ABCC5: variants seen among roughly 807,000 people sequenced by gnomAD.
ABCC5 encodes ATP-binding cassette sub-family C member 5.
A neutral mutation model predicts 160.9 loss-of-function variants in ABCC5; 61 were observed. The observed-to-expected ratio is 0.38, with a 90% CI of 0.31 to 0.47. The LOEUF (loss-of-function observed/expected upper bound fraction) is 0.47. ABCC5 is among the 20% of genes least tolerant of loss of function. The pLI, the probability that ABCC5 is intolerant of heterozygous loss-of-function variation, is 0.99. For synonymous variants in ABCC5, 666 were observed against 700.6 expected (o/e 0.95, Z 0.78); for missense variants, 1,308 against 1,813.3 (o/e 0.72, Z 5.06).
intron 10 of ABCC5, among the ~76,000 whole-genome samples, chr3:183,972,534 G>C (rs571580105): frequency 1.3e-5 from 2 of 152,284 alleles, no homozygotes; most frequent in African/African-American, 4.8e-5. Context: ...ACAACCAAAG[G>C]AACAGGCTTG....
chr3:184,000,063 A>G (rs186752898), intron 2 of ABCC5, among the ~76,000 whole-genome samples: 8 of 152,156 alleles, frequency 5.3e-5, no homozygotes, highest in Non-Finnish European at 1.0e-4. Context: ...ATAAAGCTAA[A>G]GAAGTGACCA....
chr3:183,961,604 C>T lies in ABCC5; in HGVS notation c.2286G>A (p.Thr762=), dbSNP rs756374618. Residue 762 remains threonine, a synonymous_variant, in exon 16 of 30, where the codon ACG becomes ACA. Coordinates refer to ENST00000334444, the MANE Select transcript of ABCC5 (RefSeq NM_005688.4). ...EVIFMKEGCI[T]ERGTHEELMN... ...TCAGTTCCTCATGGGTGCCTCTTTC[C>T]GTAATACAGCCCTCTTTCATGAAGA... 9 of 1,614,062 alleles carry T rather than the reference C, an allele frequency of 5.6e-6. No individual in the cohort carries two copies. The highest frequency in any genetic ancestry group is 4.5e-5 in the East Asian group (2 of 44,892).
At chr3:183,967,952 T>C (rs1343240353) in intron 11 of ABCC5, among the ~76,000 whole-genome samples, 186 bp from the exon 12 acceptor site, 1 of 152,162 alleles carries the variant, frequency 6.6e-6, no homozygotes, top group Non-Finnish European at 1.5e-5. Context: ...TGGAGACACC[T>C]GAGATAACAG....
intron 22 of ABCC5, among the ~76,000 whole-genome samples, chr3:183,948,222 C>T (rs1715029264): frequency 6.6e-6 from 1 of 152,182 alleles, no homozygotes; most frequent in South Asian, 2.1e-4. Context: ...ATCACTTTTC[C>T]TCTTTCCAAT....
rs2108750914 is a variant in ABCC5 at position 183,921,670 on chromosome 3, C to T, written c.4213-269G>A. Among the ~76,000 whole-genome samples, 1 of 151,856 alleles carries T rather than the reference C, an allele frequency of 6.6e-6. No homozygotes were observed. ...TAGCAAAAAAAAAAAAAGAAAACGA[C>T]TTCCAGACCTCCTTCACATAAATCC... On this transcript the variant is annotated intron_variant, in intron 29 of 29. Coordinates refer to ENST00000334444, the MANE Select transcript of ABCC5 (RefSeq NM_005688.4). This position sits in a 1 kb window ranked among gnomAD's most constrained non-coding sequence, Gnocchi z 4.1.
chr3:183,997,230 T>C (rs763749958), intron 2 of ABCC5, among the ~76,000 whole-genome samples: 16 of 152,210 alleles, frequency 1.1e-4, no homozygotes, highest in Admixed American at 2.0e-4. Context: ...CTGGAAGCCA[T>C]AGTAAATACA....
chr3:183,993,119 T>C (rs902469089), intron 2 of ABCC5, among the ~76,000 whole-genome samples: 3 of 152,210 alleles, frequency 2.0e-5, no homozygotes, highest in Non-Finnish European at 2.9e-5. Context: ...TCAAAATTGA[T>C]TGCAAATCTT....
chr3:183,959,674 A>C, intron 17 of ABCC5, 59 bp downstream of exon 17: 1 of 1,258,774 alleles, frequency 7.9e-7, no homozygotes, highest in Non-Finnish European at 1.1e-6. Context: ...TACTTACTAC[A>C]CAAGTTATTT....
At position 183,942,504 on chromosome 3, in the gene ABCC5, T is replaced by C. The variant is rs1460355700; in HGVS notation, c.3694+223A>G. ...TGCTCCTCTTTCGTACTTGGCTGTGTGCCCCAGTGTTCTGCATTGAGAATG... is the reference window on the plus strand; with the variant it reads ...TGCTCCTCTTTCGTACTTGGCTGTGCGCCCCAGTGTTCTGCATTGAGAATG... On this transcript the variant is annotated intron_variant, in intron 25 of 29. Transcript: ENST00000334444. 8.8e-6 allele frequency: 6 copies of C among 678,668 alleles called. No individual in the cohort carries two copies. In the African/African-American group the frequency reaches 1.1e-4, roughly 12 times the overall value. 42.0% of individuals were successfully genotyped at this position (678,668 alleles called of 1,614,324 possible). A position where few individuals can be genotyped will look rare whatever the true frequency, so the allele number is the denominator to read the frequency against.
chr3:184,012,624 T>A (rs1475546779), intron 2 of ABCC5, among the ~76,000 whole-genome samples: 2 of 152,190 alleles, frequency 1.3e-5, no homozygotes, highest in Non-Finnish European at 2.9e-5. Context: ...CCTGCCCCAA[T>A]GTTACCTTCT....
At position 183,959,729 on chromosome 3, in the gene ABCC5, T is replaced by C. The variant is rs1452121276; in HGVS notation, c.2482+4A>G. 1 of 1,598,758 alleles carries C rather than the reference T, an allele frequency of 6.3e-7. No homozygotes were observed. Among genetic ancestry groups the C allele is most frequent in the Non-Finnish European group, 8.5e-7 (1 of 1,173,972 alleles). The stretch of plus-strand genomic sequence containing the variant: ...AATCTAAAAATTTCAAAAAAGGCCA[T>C]TACCTTCCTCTGGCTTTACTGCTTT... On this transcript the variant is annotated splice_donor_region_variant and intron_variant, in intron 17 of 29. Transcript: ENST00000334444.
Position 183,921,493 on chromosome 3 carries a change from G to A in ABCC5, c.4213-92C>T, listed in dbSNP as rs1711967128. On this transcript the variant is annotated intron_variant, in intron 29 of 29. Transcript: ENST00000334444. The surrounding 1 kb of genome is among the most constrained non-coding windows in gnomAD (Gnocchi z 4.1). The stretch of plus-strand genomic sequence containing the variant: ...GGCTCAGTAAGTGCCAGTGCCCTCT[G>A]AGGGTAGAATCTGGGGACAATTCAA... The A allele has an allele frequency of 1.7e-6, 2 of 1,202,532 alleles. No individual in the cohort carries two copies. The highest frequency in any genetic ancestry group is 1.8e-5 in the South Asian group (1 of 56,850). The allele number at this position is 1,202,532 out of a possible 1,614,324, so 74.5% of individuals were successfully genotyped here.
chr3:183,982,353 CAG>C lies in ABCC5; in HGVS notation c.999+96_999+97del. On this transcript the variant is annotated intron_variant, in intron 7 of 29. Transcript: ENST00000334444. This position sits in a 1 kb window ranked among gnomAD's most constrained non-coding sequence, Gnocchi z 5.2. The stretch of plus-strand genomic sequence containing the variant: ...AACCTGCTTTGAGGAAATTTCCAAT[CAG>C]AGCTGTGAGACCTCAGCAATGCCTA... 7.4e-7 allele frequency: 1 copy of C among 1,343,546 alleles called. No individual in the cohort carries two copies. 83.2% of individuals were successfully genotyped at this position (1,343,546 alleles called of 1,614,324 possible).
intron 2 of ABCC5, among the ~76,000 whole-genome samples, chr3:183,994,123 C>T (rs765372495): frequency 1.6e-4 from 25 of 151,870 alleles, no homozygotes; most frequent in Non-Finnish European, 3.1e-4. Context: ...ACCACCAACC[C>T]GTCTAATTTT....
chr3:183,980,407 CAGAAAAA>C (rs1160651420), intron 8 of ABCC5, among the ~76,000 whole-genome samples: 2 of 152,128 alleles, frequency 1.3e-5, no homozygotes, highest in African/African-American at 4.8e-5. Flanking sequence ...AGGGAAATTT[CAGAAAAA>C]AGATCATAAA....
chr3:183,991,287 ACT>A (rs1180168520), intron 2 of ABCC5, among the ~76,000 whole-genome samples: 1 of 150,036 alleles, frequency 6.7e-6, no homozygotes, highest in East Asian at 2.0e-4. Context: ...ACAGAGCAAG[ACT>A]CTGTCTCTAA....
intron 2 of ABCC5, among the ~76,000 whole-genome samples, chr3:183,993,841 G>C (rs192830024): frequency 6.6e-6 from 1 of 151,988 alleles, no homozygotes; most frequent in African/African-American, 2.4e-5. Context: ...CAAAATACAC[G>C]GATCTTGAAA....
chr3:183,952,660 C>G (rs1715487550), intron 18 of ABCC5, among the ~76,000 whole-genome samples: 1 of 152,186 alleles, frequency 6.6e-6, no homozygotes, highest in African/African-American at 2.4e-5. Context: ...CACACGCTGT[C>G]TTGTCTCTCT....
rs3749444 is a variant in ABCC5 at position 183,921,241 on chromosome 3, C to T, written c.*59G>A. The stretch of plus-strand genomic sequence containing the variant: ...CGGTAGGAGGACGCGATGAGGGGCC[C>T]GCCCCAGGCAGGGAATGGCAATGCT... On this transcript the variant is annotated 3_prime_UTR_variant, in exon 30 of 30. Coordinates refer to ENST00000334444, the MANE Select transcript of ABCC5 (RefSeq NM_005688.4). The surrounding 1 kb of genome is among the most constrained non-coding windows in gnomAD (Gnocchi z 4.1). 262 of 1,014,766 alleles carry T rather than the reference C, an allele frequency of 2.6e-4. No homozygotes were observed. Among genetic ancestry groups the T allele is most frequent in the Admixed American group, 9.3e-4 (43 of 46,432 alleles). 62.9% of individuals were successfully genotyped at this position (1,014,766 alleles called of 1,614,324 possible).
Sources: gnomAD v4.1 joint callset for allele counts (sites outside exome capture counted in the v4.1 genomes callset) on GRCh38, gnomAD v4.1.1 for gene constraint, Gnocchi (gnomAD v3.1) non-coding constraint, MANE v1.5 for transcripts, NCBI Gene and HGNC (gene_info 2026-07-23, HGNC 2026-07-21) for gene names.